Variants in PELI2 observed in about 807,000 individuals in gnomAD.
PELI2 encodes the protein pellino E3 ubiquitin protein ligase family member 2.
Under a neutral mutation model 42.3 loss-of-function variants are expected in PELI2, and 23 were observed. The observed-to-expected ratio is 0.54, with a 90% CI of 0.39 to 0.77. The LOEUF is 0.77. Ranked by LOEUF, PELI2 falls within the 30% of genes least tolerant of loss-of-function variation. The probability of loss-of-function intolerance (pLI) is 0.00; values close to 1 mark genes in which losing one functional copy is unlikely to be tolerated. For synonymous variants in PELI2, 245 were observed against 212.2 expected (o/e 1.15, Z -1.34); for missense variants, 463 against 553.2 (o/e 0.84, Z 1.64).
intron 1 of PELI2, among the ~76,000 whole-genome samples, chr14:56,123,861 G>A (rs1201853637): frequency 2.0e-5 from 3 of 152,176 alleles, no homozygotes; most frequent in Non-Finnish European, 4.4e-5. Flanking sequence ...TGTCACATTG[G>A]AGCACTGGTT....
At chr14:56,222,552 C>T (rs1837838130) in intron 2 of PELI2, among the ~76,000 whole-genome samples, 1 of 152,080 alleles carries the variant, frequency 6.6e-6, no homozygotes, top group Admixed American at 6.6e-5. Flanking sequence ...TGATATCATG[C>T]CTTAAAATGA....
chr14:56,252,723 C>A (rs370402786), intron 2 of PELI2, among the ~76,000 whole-genome samples: 72 of 152,192 alleles, frequency 4.7e-4, no homozygotes, highest in African/African-American at 1.6e-3. Flanking sequence ...TAATATCCTA[C>A]CAACCAAAAA....
intron 2 of PELI2, among the ~76,000 whole-genome samples, chr14:56,225,232 G>A (rs1338412918): frequency 7.2e-5 from 11 of 152,280 alleles, no homozygotes; most frequent in African/African-American, 2.4e-4. Context: ...GACTTCAGAG[G>A]CACAGGCTGA....
intron 2 of PELI2, among the ~76,000 whole-genome samples, chr14:56,179,546 A>G (rs1438785407): frequency 6.6e-6 from 1 of 152,260 alleles, no homozygotes; most frequent in African/African-American, 2.4e-5. Flanking sequence ...CACCACGGAA[A>G]CAAGAAAGAT....
chr14:56,153,186 A>AT (rs983006661), intron 1 of PELI2, among the ~76,000 whole-genome samples: 6 of 152,008 alleles, frequency 3.9e-5, no homozygotes, highest in Non-Finnish European at 5.9e-5. Context: ...ATCCTGTTTA[A>AT]TTTTTTTTAG....
chr14:56,176,630 C>T (rs1204842243), intron 1 of PELI2, among the ~76,000 whole-genome samples: 1 of 152,170 alleles, frequency 6.6e-6, no homozygotes, highest in Admixed American at 6.5e-5. Context: ...TAAGGAATGA[C>T]TCTCTGGTTT....
chr14:56,222,118 A>G (rs1049281381), intron 2 of PELI2, among the ~76,000 whole-genome samples: 1 of 150,646 alleles, frequency 6.6e-6, no homozygotes, highest in African/African-American at 2.4e-5. Flanking sequence ...CTTAGTTTTG[A>G]AAAAAAGTGT....
intron 2 of PELI2, among the ~76,000 whole-genome samples, chr14:56,264,348 G>A (rs1473692819): frequency 6.6e-6 from 1 of 152,156 alleles, no homozygotes; most frequent in Non-Finnish European, 1.5e-5. Context: ...GAAACTACAT[G>A]TTAGATTATC....
At chr14:56,145,605 A>G (rs187861009) in intron 1 of PELI2, among the ~76,000 whole-genome samples, 27 of 152,358 alleles carry the variant, frequency 1.8e-4, no homozygotes, top group Admixed American at 9.1e-4. Context: ...TTAAAGCTCC[A>G]AAATAGATTA....
chr14:56,202,227 A>G (rs1461839408), intron 2 of PELI2, among the ~76,000 whole-genome samples: 1 of 152,196 alleles, frequency 6.6e-6, no homozygotes, highest in Non-Finnish European at 1.5e-5. Flanking sequence ...TGATTGTACC[A>G]TGTTTGTAAA....
chr14:56,211,706 T>C (rs1886717387), intron 2 of PELI2, among the ~76,000 whole-genome samples: 3 of 152,184 alleles, frequency 2.0e-5, no homozygotes, highest in African/African-American at 4.8e-5. Context: ...ATTAAACAAA[T>C]GTGTGTTATT....
intron 2 of PELI2, among the ~76,000 whole-genome samples, chr14:56,274,735 C>T (rs185226203): frequency 2.0e-5 from 3 of 152,292 alleles, no homozygotes; most frequent in African/African-American, 7.2e-5. Flanking sequence ...GAGCCTGTGA[C>T]ACAAGCAGCA....
In PELI2 at chr14:56,297,228, C is replaced by G; in HGVS notation, c.*62C>G. 8.8e-7 allele frequency: 1 copy of G among 1,141,646 alleles called. No individual in the cohort carries two copies. Among genetic ancestry groups the G allele is most frequent in the East Asian group, 2.5e-5 (1 of 39,250 alleles). The allele number at this position is 1,141,646 out of a possible 1,614,324, so 70.7% of individuals were successfully genotyped here. A position where few individuals can be genotyped will look rare whatever the true frequency, so the allele number is the denominator to read the frequency against. ...TACTGTGAAGATTTTGCCACTAACT[C>G]TAGATTTTACCTTTTTGTAATGCTG... is the stretch of plus-strand genomic sequence containing the variant. On this transcript the variant is annotated 3_prime_UTR_variant, in exon 6 of 6. Transcript: ENST00000267460.
chr14:56,178,832 A>G (rs1399226828), intron 2 of PELI2, among the ~76,000 whole-genome samples: 4 of 152,202 alleles, frequency 2.6e-5, no homozygotes, highest in Non-Finnish European at 5.9e-5. Flanking sequence ...TTTGGAATAG[A>G]TGTAGTTGAA....
intron 2 of PELI2, among the ~76,000 whole-genome samples, chr14:56,265,218 C>G (rs556937459): frequency 1.3e-5 from 2 of 152,056 alleles, no homozygotes; most frequent in East Asian, 3.9e-4. Context: ...TGGAGTACTC[C>G]CAGTGACTTC....
rs765381717 is a variant in PELI2 at position 56,288,622 on chromosome 14, C to T, written c.495C>T (p.Asn165=). ...IFAAGFDSSK[N]IFLGEKAAKW... ...CCGCCGGATTTGACTCTTCCAAAAA[C>T]ATATTTCTTGGAGTAAGTACTGTCA... Residue 165 remains asparagine (N), a synonymous_variant, in exon 4 of 6, where the codon AAC becomes AAT. Coordinates refer to ENST00000267460, the MANE Select transcript of PELI2 (RefSeq NM_021255.3). The surrounding 1 kb of genome is among the most constrained non-coding windows in gnomAD (Gnocchi z 4.6). The T allele has an allele frequency of 2.5e-6, 4 of 1,611,310 alleles. No individual in the cohort carries two copies. The highest frequency in any genetic ancestry group is 3.4e-6 in the Non-Finnish European group (4 of 1,177,924).
At chr14:56,143,480 C>A in intron 1 of PELI2, among the ~76,000 whole-genome samples, 1 of 152,216 alleles carries the variant, frequency 6.6e-6, no homozygotes, top group East Asian at 1.9e-4. Context: ...ATTTTAGCAT[C>A]CATCAGTAGA....
chr14:56,204,988 CCACTG>C (rs1351543546), intron 2 of PELI2, among the ~76,000 whole-genome samples: 1 of 150,248 alleles, frequency 6.7e-6, no homozygotes, highest in Non-Finnish European at 1.5e-5. Context: ...CGAGACCATG[CCACTG>C]CACCGCAGCC....
intron 2 of PELI2, among the ~76,000 whole-genome samples, chr14:56,225,011 G>A (rs530399720): frequency 9.9e-5 from 15 of 152,262 alleles, no homozygotes; most frequent in Non-Finnish European, 2.1e-4. Context: ...AGTTCTTGGT[G>A]TGTGCACATA....
Sources: allele counts gnomAD v4.1 joint callset (sites outside exome capture counted in the v4.1 genomes callset), GRCh38; gene constraint gnomAD v4.1.1; non-coding constraint Gnocchi (gnomAD v3.1); transcripts MANE v1.5; gene names NCBI Gene and HGNC (gene_info 2026-07-23, HGNC 2026-07-21).